The following GLP1R variants were observed in gnomAD, a reference collection of about 807,000 sequenced individuals.
GLP1R encodes glucagon-like peptide 1 receptor.
In GLP1R, 32 loss-of-function variants were observed where a neutral mutation model predicts 68.4. That is an observed-to-expected ratio of 0.47 (90% CI 0.35 to 0.63). The LOEUF (loss-of-function observed/expected upper bound fraction) is 0.63. GLP1R is among the 20% of genes least tolerant of loss of function. The pLI is 0.00. For missense variants in GLP1R, 502 were observed against 594.9 expected (o/e 0.84, Z 1.62); for synonymous variants, 263 against 244.4 (o/e 1.08, Z -0.71).
chr6:39,082,639 G>A (rs181987052), intron 12 of GLP1R, among the ~76,000 whole-genome samples: 2 of 152,294 alleles, frequency 1.3e-5, no homozygotes, highest in East Asian at 1.9e-4. Context: ...ACGAGGAAGT[G>A]CAAAAACCTA....
Position 39,088,522 on chromosome 6 carries a change from G to A in GLP1R, c.*2449G>A, listed in dbSNP as rs1388842216. On this transcript the variant is annotated 3_prime_UTR_variant, in exon 13 of 13. Transcript: ENST00000373256. ...TATTGCTGACCAGCAGGGTGTAGGC[G>A]CTGCTTTTGTTTGAGCTTTGTAGCC... Among the ~76,000 whole-genome samples the A allele has an allele frequency of 2.0e-5, 3 of 152,202 alleles. No homozygotes were observed. Among genetic ancestry groups the A allele is most frequent in the Admixed American group, 6.5e-5 (1 of 15,282 alleles).
Position 39,048,911 on chromosome 6 carries a change from G to GC in GLP1R, c.76dup (p.Gln26ProfsTer27). ...GGGATGGTGGGCAGGGCCGGCCCCC[G>GC]CCCCCAGGTGAGATCCAGGGACCCC... On this transcript the variant is annotated frameshift_variant, in exon 1 of 13. Coordinates refer to ENST00000373256, the MANE Select transcript of GLP1R (RefSeq NM_002062.5). LOFTEE classifies it high-confidence loss of function. The GC allele has an allele frequency of 7.2e-7, 1 of 1,386,314 alleles. No individual in the cohort carries two copies. Among genetic ancestry groups the GC allele is most frequent in the Non-Finnish European group, 9.4e-7 (1 of 1,058,776 alleles). The allele number at this position is 1,386,314 out of a possible 1,614,324, so 85.9% of individuals were successfully genotyped here. A position where few individuals can be genotyped will look rare whatever the true frequency, so the allele number is the denominator to read the frequency against.
At chr6:39,073,048 G>T (rs761484504) in intron 6 of GLP1R, 33 bp downstream of exon 6, 2 of 1,598,220 alleles carry the variant, frequency 1.3e-6, no homozygotes, top group East Asian at 4.5e-5. Context: ...CCTCAGGAGG[G>T]ATGGGCGGTT....
Position 39,079,848 on chromosome 6 carries a change from G to A in GLP1R, c.1182+146G>A. ...CCCAAAGTCACCTAGTTGGAGCAGA[G>A]CCAGAACTAGTATCCCCAGGTGTCC... On this transcript the variant is annotated intron_variant, in intron 11 of 12. Transcript: ENST00000373256. This position sits in a 1 kb window ranked among gnomAD's most constrained non-coding sequence, Gnocchi z 4.5. The A allele has an allele frequency of 1.5e-6, 1 of 677,158 alleles. No individual in the cohort carries two copies. Among genetic ancestry groups the A allele is most frequent in the Admixed American group, 3.0e-5 (1 of 33,866 alleles). 41.9% of individuals were successfully genotyped at this position (677,158 alleles called of 1,614,324 possible).
At position 39,091,256 on chromosome 6, in the gene GLP1R, C is replaced by G. The variant is rs1362009205; in HGVS notation, c.*5183C>G. Among the ~76,000 whole-genome samples, 1 of 152,218 alleles carries G rather than the reference C, an allele frequency of 6.6e-6. No homozygotes were observed. Among genetic ancestry groups the G allele is most frequent in the Non-Finnish European group, 1.5e-5 (1 of 68,038 alleles). On this transcript the variant is annotated 3_prime_UTR_variant, in exon 13 of 13. Transcript: ENST00000373256. Reference sequence around the variant, plus strand: ...GTACAGATGTGAATGGATGCAGACTCTTTCCTAATTTGCCTTGTAAGCCAA... The same window carrying G: ...GTACAGATGTGAATGGATGCAGACTGTTTCCTAATTTGCCTTGTAAGCCAA...
intron 3 of GLP1R, among the ~76,000 whole-genome samples, chr6:39,058,203 G>T (rs1187160020): frequency 3.9e-5 from 6 of 152,202 alleles, no homozygotes. Flanking sequence ...ACTCTTGCGG[G>T]GAGGGAAGCT....
chr6:39,078,459 G>A, intron 8 of GLP1R, 77 bp downstream of exon 8: 1 of 1,003,342 alleles, frequency 1.0e-6, no homozygotes, highest in Non-Finnish European at 1.6e-6. Context: ...TGGTACCTGG[G>A]GCACCCATCT....
chr6:39,079,864 C>G lies in GLP1R; in HGVS notation c.1182+162C>G, dbSNP rs1768946403. On this transcript the variant is annotated intron_variant, in intron 11 of 12. Coordinates refer to ENST00000373256, the MANE Select transcript of GLP1R (RefSeq NM_002062.5). This position sits in a 1 kb window ranked among gnomAD's most constrained non-coding sequence, Gnocchi z 4.5. Reference sequence around the variant, plus strand: ...TGGAGCAGAGCCAGAACTAGTATCCCCAGGTGTCCCAATACCTGGGCCAGT... The same window carrying G: ...TGGAGCAGAGCCAGAACTAGTATCCGCAGGTGTCCCAATACCTGGGCCAGT... 6.6e-6 allele frequency among the ~76,000 whole-genome samples: 1 copy of G among 152,148 alleles called. No homozygotes were observed.
At chr6:39,085,774 G>A (rs755657032) in intron 12 of GLP1R, 132 bp from the exon 13 acceptor site, 12 of 799,780 alleles carry the variant, frequency 1.5e-5, no homozygotes, top group South Asian at 3.5e-5. Flanking sequence ...TTAGGAGCCC[G>A]AAGGCCTTGA....
rs1195019368 is a variant in GLP1R, at chr6:39,048,791, G to T, written c.-50G>T. 2 of 859,542 alleles carry T rather than the reference G, an allele frequency of 2.3e-6. No individual in the cohort carries two copies. The highest frequency in any genetic ancestry group is 3.6e-6 in the Non-Finnish European group (2 of 548,032). The allele number at this position is 859,542 out of a possible 1,614,324, so 53.2% of individuals were successfully genotyped here. A position where few individuals can be genotyped will look rare whatever the true frequency, so the allele number is the denominator to read the frequency against. On this transcript the variant is annotated 5_prime_UTR_variant, in exon 1 of 13. Transcript: ENST00000373256. Reference sequence around the variant, plus strand: ...CGCCACCAGCCCGGGATCAGTCTCCGCACGCGGTTCCGCAGGTGGCAGCGA... The same window carrying T: ...CGCCACCAGCCCGGGATCAGTCTCCTCACGCGGTTCCGCAGGTGGCAGCGA...
intron 12 of GLP1R, among the ~76,000 whole-genome samples, chr6:39,083,549 T>C (rs1321359052): frequency 6.6e-6 from 1 of 152,180 alleles, no homozygotes; most frequent in Non-Finnish European, 1.5e-5. Context: ...AGCTTGTGCC[T>C]GAGAGCCACA....
chr6:39,061,420 T>C (rs1768355317), intron 3 of GLP1R, among the ~76,000 whole-genome samples: 1 of 152,222 alleles, frequency 6.6e-6, no homozygotes, highest in Non-Finnish European at 1.5e-5. Flanking sequence ...GTTTGTTAGC[T>C]TAGTTCTAAT....
Position 39,059,098 on chromosome 6 carries a change from C to T in GLP1R, c.283+1519C>T, listed in dbSNP as rs143155295. Among the ~76,000 whole-genome samples, 318 of 152,342 alleles carry T rather than the reference C, an allele frequency of 2.1e-3. 2 individuals are homozygous for T. The highest frequency in any genetic ancestry group is 6.8e-3 in the Middle Eastern group (2 of 294). ...CTTGTCCACACTCACAGTACACTCA[C>T]CTCTCCCCAAGGAGCAGGGAGAGCC... is the stretch of plus-strand genomic sequence containing the variant. On this transcript the variant is annotated intron_variant, in intron 3 of 12. Transcript: ENST00000373256.
At chr6:39,072,100 A>C (rs868215899) in intron 5 of GLP1R, among the ~76,000 whole-genome samples, 36 of 152,354 alleles carry the variant, frequency 2.4e-4, no homozygotes, top group Middle Eastern at 3.4e-3. Flanking sequence ...CAACCTTGCT[A>C]AACTGTCTTA....
At chr6:39,078,765 T>C (rs945507495) in intron 8 of GLP1R, among the ~76,000 whole-genome samples, 192 bp from the exon 9 acceptor site, 1 of 152,162 alleles carries the variant, frequency 6.6e-6, no homozygotes, top group African/African-American at 2.4e-5. Context: ...ATTTGGACTA[T>C]GCGTGTGTGT....
intron 7 of GLP1R, among the ~76,000 whole-genome samples, chr6:39,077,210 A>G (rs1055812307): frequency 1.3e-4 from 20 of 152,218 alleles, no homozygotes; most frequent in Admixed American, 6.5e-5. Flanking sequence ...TGAATCACAT[A>G]CACATATAGA....
At chr6:39,083,105 T>C (rs1769050421) in intron 12 of GLP1R, among the ~76,000 whole-genome samples, 1 of 152,080 alleles carries the variant, frequency 6.6e-6, no homozygotes, top group South Asian at 2.1e-4. Flanking sequence ...TGATCCTGAA[T>C]CACCAGGGTT....
rs1768925975 is a variant in GLP1R, at chr6:39,079,311, C to T, written c.1043+111C>T. The T allele has an allele frequency of 2.2e-6, 2 of 900,724 alleles. No individual in the cohort carries two copies. Among genetic ancestry groups the T allele is most frequent in the Admixed American group, 1.9e-5 (1 of 53,170 alleles). The allele number at this position is 900,724 out of a possible 1,614,324, so 55.8% of individuals were successfully genotyped here. A position where few individuals can be genotyped will look rare whatever the true frequency, so the allele number is the denominator to read the frequency against. On this transcript the variant is annotated intron_variant, in intron 10 of 12. Transcript: ENST00000373256. This position sits in a 1 kb window ranked among gnomAD's most constrained non-coding sequence, Gnocchi z 4.5. ...GCTTAGCTTAGAGCCCTACACTACC[C>T]TCTCCTTCCACCCAGGCCTGGCCTT...
Position 39,080,748 on chromosome 6 carries a change from T to C in GLP1R, c.1224+9T>C, listed in dbSNP as rs199526922. ...GCTTTGTCAACAATGAGGTAAGCTC[T>C]GAGGAGGGACGGTGGGGACCCTGGT... On this transcript the variant is annotated intron_variant, in intron 12 of 12. Transcript: ENST00000373256. The C allele has an allele frequency of 1.9e-6, 3 of 1,577,056 alleles. No individual in the cohort carries two copies. The highest frequency in any genetic ancestry group is 2.6e-6 in the Non-Finnish European group (3 of 1,156,170).
Sources: gnomAD v4.1 joint callset for allele counts (sites outside exome capture counted in the v4.1 genomes callset) on GRCh38, gnomAD v4.1.1 for gene constraint, Gnocchi (gnomAD v3.1) non-coding constraint, MANE v1.5 for transcripts, NCBI Gene and HGNC (gene_info 2026-07-23, HGNC 2026-07-21) for gene names.